Variants in FBLIM1 observed in about 807,000 individuals in gnomAD.
The protein encoded by FBLIM1 is filamin-binding LIM protein 1.
FBLIM1 carries 29 observed loss-of-function variants against 37.4 expected under a neutral mutation model. The observed-to-expected ratio is 0.77, with a 90% CI of 0.58 to 1.06. The LOEUF is 1.06. Ranked by LOEUF, FBLIM1 falls within the 50% of genes least tolerant of loss-of-function variation. FBLIM1 has a pLI of 0.00. For missense variants in FBLIM1, 449 were observed against 505.6 expected (o/e 0.89, Z 1.07); for synonymous variants, 193 against 199.0 (o/e 0.97, Z 0.25).
Position 15,775,847 on chromosome 1 carries a change from C to T in FBLIM1, c.890+1051C>T, listed in dbSNP as rs532645254. Among the ~76,000 whole-genome samples, 11 of 152,300 alleles carry T rather than the reference C, an allele frequency of 7.2e-5. No homozygotes were observed. The South Asian group carries it at 2.3e-3, about 32-fold the overall frequency. On this transcript the variant is annotated intron_variant, in intron 7 of 8. Coordinates refer to ENST00000375766, the MANE Select transcript of FBLIM1 (RefSeq NM_017556.4). Reference sequence around the variant, plus strand: ...AGGGCCTGTCCAGAGTCATCTTGGTCTCTATGCAGCTTTTCTTCCTCCAGG... The same window carrying T: ...AGGGCCTGTCCAGAGTCATCTTGGTTTCTATGCAGCTTTTCTTCCTCCAGG...
At chr1:15,766,428 C>T (rs1032096997) in intron 3 of FBLIM1, among the ~76,000 whole-genome samples, 3 of 152,110 alleles carry the variant, frequency 2.0e-5, no homozygotes, top group African/African-American at 7.2e-5. Flanking sequence ...TCCCAAGTAG[C>T]TAGGATTACA....
intron 7 of FBLIM1, 80 bp downstream of exon 7, chr1:15,774,876 C>CA: frequency 2.5e-6 from 4 of 1,612,566 alleles, no homozygotes; most frequent in Non-Finnish European, 3.4e-6. Flanking sequence ...GAGCTTGAGT[C>CA]CTGGGTGCTG....
At position 15,765,156 on chromosome 1, in the gene FBLIM1, G is replaced by A. The variant is rs1402545529; in HGVS notation, c.173G>A (p.Gly58Glu). The A allele has an allele frequency of 1.2e-6, 2 of 1,613,768 alleles. No homozygotes were observed. Among genetic ancestry groups the A allele is most frequent in the South Asian group, 2.2e-5 (2 of 91,078 alleles). Residue 58 changes from glycine (G) to glutamate (E), a missense_variant, in exon 3 of 9, where the codon GGG becomes GAG. By Grantham distance (98) the Gly-to-Glu change is moderately conservative. Coordinates refer to ENST00000375766, the MANE Select transcript of FBLIM1 (RefSeq NM_017556.4). The surrounding 1 kb of genome is among the most constrained non-coding windows in gnomAD (Gnocchi z 5.9). ...PMKTPEAGLA[G>E]RPSPWTTPGR... is the part of the protein sequence containing the mutation. ...AAGACACCCGAGGCTGGCTTGGCGGGGAGGCCCAGCCCCTGGACAACCCCT... is the reference window on the plus strand; with the variant it reads ...AAGACACCCGAGGCTGGCTTGGCGGAGAGGCCCAGCCCCTGGACAACCCCT...
At chr1:15,774,872 G>T (rs1317831943) in intron 7 of FBLIM1, 76 bp downstream of exon 7, 2 of 1,613,330 alleles carry the variant, frequency 1.2e-6, no homozygotes, top group Non-Finnish European at 1.7e-6. Flanking sequence ...AGCTGAGCTT[G>T]AGTCCTGGGT....
chr1:15,764,740 G>T, intron 2 of FBLIM1, 55 bp downstream of exon 2: 1 of 565,854 alleles, frequency 1.8e-6, no homozygotes, highest in East Asian at 3.0e-5. Context: ...GGGGCAGTCA[G>T]GACTTTTGGG....
chr1:15,767,065 T>A (rs904912), intron 3 of FBLIM1, among the ~76,000 whole-genome samples: 96,348 of 151,510 alleles, frequency 0.64, 31,734 homozygotes, highest in East Asian at 0.82. Context: ...ACATTTTTTT[T>A]AATTTTTAGT....
intron 8 of FBLIM1, among the ~76,000 whole-genome samples, chr1:15,781,718 G>GTTTTTTTTT (rs71002929): frequency 9.0e-6 from 1 of 111,448 alleles, no homozygotes. Context: ...AGGTAGTATT[G>GTTTTTTTTT]TTTTTTTTTT....
At chr1:15,780,127 G>A (rs1183601390) in intron 8 of FBLIM1, among the ~76,000 whole-genome samples, 1 of 152,048 alleles carries the variant, frequency 6.6e-6, no homozygotes, top group African/African-American at 2.4e-5. Flanking sequence ...CTAGGCTCAA[G>A]CGATCCTCTC....
chr1:15,771,100 C>T (rs778888734), intron 6 of FBLIM1, among the ~76,000 whole-genome samples: 5 of 151,980 alleles, frequency 3.3e-5, no homozygotes, highest in South Asian at 2.1e-4. Flanking sequence ...ACACCACACC[C>T]GGCTAATTTT....
intron 1 of FBLIM1, among the ~76,000 whole-genome samples, chr1:15,762,803 T>C (rs1443771890): frequency 6.6e-6 from 1 of 152,208 alleles, no homozygotes; most frequent in Non-Finnish European, 1.5e-5. Flanking sequence ...CCTGGGGCTA[T>C]CATCGCTTTC....
chr1:15,774,838 G>A, intron 7 of FBLIM1, 42 bp downstream of exon 7: 3 of 1,613,826 alleles, frequency 1.9e-6, no homozygotes, highest in Non-Finnish European at 1.7e-6. Flanking sequence ...GCAGGGACAG[G>A]GCGAGACCCA....
intron 4 of FBLIM1, 87 bp from the exon 5 acceptor site, chr1:15,768,441 T>G: frequency 2.3e-6 from 2 of 885,754 alleles, no homozygotes; most frequent in African/African-American, 1.7e-5. Flanking sequence ...ATGCGGCTAA[T>G]TGTACCTGTT....
intron 6 of FBLIM1, among the ~76,000 whole-genome samples, chr1:15,772,592 G>T (rs1173437931): frequency 1.3e-5 from 2 of 152,178 alleles, no homozygotes; most frequent in Admixed American, 1.3e-4. Flanking sequence ...GAAGCCCACT[G>T]CCCTGCCTCG....
chr1:15,778,416 A>T (rs1008488740), intron 8 of FBLIM1, among the ~76,000 whole-genome samples: 1 of 152,040 alleles, frequency 6.6e-6, no homozygotes, highest in African/African-American at 2.4e-5. Flanking sequence ...AATAAATAAA[A>T]ATAAAAAATA....
intron 1 of FBLIM1, among the ~76,000 whole-genome samples, chr1:15,763,553 G>A (rs1036179904): frequency 4.0e-5 from 6 of 151,226 alleles, no homozygotes; most frequent in Non-Finnish European, 8.8e-5. Flanking sequence ...GGAGAATGGC[G>A]TGAACCTGGG....
intron 8 of FBLIM1, among the ~76,000 whole-genome samples, chr1:15,782,679 G>A (rs974359180): frequency 1.1e-4 from 17 of 152,122 alleles, no homozygotes; most frequent in South Asian, 4.1e-4. Context: ...AGAGACTCAA[G>A]TGGCCTTGTA....
chr1:15,768,396 T>A (rs892382710), intron 4 of FBLIM1, 132 bp from the exon 5 acceptor site: 17 of 560,860 alleles, frequency 3.0e-5, no homozygotes, highest in South Asian at 2.0e-4. Flanking sequence ...CGCAGGTCCC[T>A]TGCTTCCCTG....
chr1:15,779,040 T>A (rs2069568763), intron 8 of FBLIM1, among the ~76,000 whole-genome samples: 1 of 151,736 alleles, frequency 6.6e-6, no homozygotes, highest in African/African-American at 2.4e-5. Flanking sequence ...GTTCAAGCAA[T>A]TCTCCCTGCC....
At chr1:15,781,812 G>C (rs529963255) in intron 8 of FBLIM1, among the ~76,000 whole-genome samples, 5 of 141,078 alleles carry the variant, frequency 3.5e-5, no homozygotes, top group African/African-American at 1.3e-4. Context: ...TGCACCTCCC[G>C]GGTTCACGCC....
Sources: allele counts gnomAD v4.1 joint callset (sites outside exome capture counted in the v4.1 genomes callset), GRCh38; gene constraint gnomAD v4.1.1; non-coding constraint Gnocchi (gnomAD v3.1); transcripts MANE v1.5; gene names NCBI Gene and HGNC (gene_info 2026-07-23, HGNC 2026-07-21).